The following MACC1 variants were observed in gnomAD, a reference collection of about 807,000 sequenced individuals.
MACC1 encodes the protein MET transcriptional regulator MACC1.
A neutral mutation model predicts 70.7 loss-of-function variants in MACC1; 79 were observed. That is an observed-to-expected ratio of 1.12 (90% CI 0.93 to 1.35). The LOEUF is 1.35. Among genes scored for constraint, MACC1 ranks in the 40% most tolerant of loss-of-function variants. The probability of loss-of-function intolerance (pLI) is 0.00; values close to 1 mark genes in which losing one functional copy is unlikely to be tolerated. For synonymous variants in MACC1, 361 were observed against 347.2 expected, an observed-to-expected ratio of 1.04 and a Z score of -0.44; for missense variants, 1,106 against 978.1, an observed-to-expected ratio of 1.13 and a Z score of -1.74.
At chr7:20,198,506 G>C (rs1782786480) in intron 1 of MACC1, 1 of 152,254 alleles carries the variant, frequency 6.6e-6, no homozygotes, top group Admixed American at 6.5e-5. Flanking sequence ...ATTGGCCAAT[G>C]TAAACATTTA....
intron 1 of MACC1, among the ~76,000 whole-genome samples, chr7:20,206,848 A>T (rs892198627): frequency 6.6e-6 from 1 of 152,182 alleles, no homozygotes; most frequent in Non-Finnish European, 1.5e-5. Flanking sequence ...CCAGTTAGAT[A>T]CCTGTGTCAG....
intron 1 of MACC1, among the ~76,000 whole-genome samples, chr7:20,189,672 T>C (rs1215151329): frequency 6.6e-6 from 1 of 151,674 alleles, no homozygotes; most frequent in Non-Finnish European, 1.5e-5. Flanking sequence ...CATCTCTTAG[T>C]TCTAGGCCAG....
intron 5 of MACC1, among the ~76,000 whole-genome samples, chr7:20,157,045 A>C: frequency 6.6e-6 from 1 of 152,222 alleles, no homozygotes; most frequent in East Asian, 1.9e-4. Context: ...TTTGAAACCA[A>C]AAAATATTCA....
rs1782107510 is a variant in MACC1 at position 20,159,421 on chromosome 7, A to G, written c.940T>C (p.Leu314=). Reference sequence around the variant, plus strand: ...ACTTTAAAAGGGCCTTCTTTACCCAAGCTGTGTAAACACACCATTTCTGTC... The same window carrying G: ...ACTTTAAAAGGGCCTTCTTTACCCAGGCTGTGTAAACACACCATTTCTGTC... ...VMTEMVCLHS[L]GKEGPFKVLS... is the part of the protein sequence containing the mutation. The change falls in exon 5 of 7, where the codon TTG becomes CTG. Residue 314 remains leucine (L), a synonymous_variant. Coordinates refer to ENST00000400331, the MANE Select transcript of MACC1 (RefSeq NM_182762.4). The G allele has an allele frequency of 6.2e-7, 1 of 1,613,944 alleles. No homozygotes were observed. The highest frequency in any genetic ancestry group is 1.3e-5 in the African/African-American group (1 of 74,930).
chr7:20,204,430 C>T (rs184490642), intron 1 of MACC1, among the ~76,000 whole-genome samples: 2 of 152,150 alleles, frequency 1.3e-5, no homozygotes, highest in East Asian at 1.9e-4. Context: ...CTGGATTATA[C>T]GCATGAGCCA....
chr7:20,158,863 A>T lies in MACC1; in HGVS notation c.1498T>A (p.Phe500Ile). The T allele has an allele frequency of 6.2e-7, 1 of 1,614,144 alleles. No homozygotes were observed. Among genetic ancestry groups the T allele is most frequent in the Non-Finnish European group, 8.5e-7 (1 of 1,180,016 alleles). The change falls in exon 5 of 7, where the codon TTC becomes ATC. Residue 500 changes from phenylalanine to isoleucine, a missense_variant. By Grantham distance (21) the Phe-to-Ile change is conservative. Coordinates refer to ENST00000400331, the MANE Select transcript of MACC1 (RefSeq NM_182762.4). ...EPPNGEPVAQ[F>I]SITTPDPTPN... Reference sequence around the variant, plus strand: ...GTTGGATCAGGAGTAGTGATAGAGAACTGTGCAACTGGTTCACCATTGGGA... The same window carrying T: ...GTTGGATCAGGAGTAGTGATAGAGATCTGTGCAACTGGTTCACCATTGGGA...
In MACC1 at chr7:20,159,771, G is replaced by T; in HGVS notation, c.590C>A (p.Thr197Lys). Residue 197 changes from threonine to lysine, a missense_variant, in exon 5 of 7, where the codon ACA (threonine) becomes AAA (lysine). Transcript: ENST00000400331. ...QLARSCLDLNTISQSPGWAQT... is the reference protein window; with the variant it reads ...QLARSCLDLNKISQSPGWAQT... ...GGCCCATCCAGGGCTCTGACTAATT[G>T]TATTCAAATCAAGGCAGGAGCGGGC... 1.2e-6 allele frequency: 2 copies of T among 1,614,090 alleles called. No homozygotes were observed. Among genetic ancestry groups the T allele is most frequent in the Non-Finnish European group, 1.7e-6 (2 of 1,180,026 alleles).
Position 20,161,813 on chromosome 7 carries a change from CT to C in MACC1, c.49del (p.Ser17ValfsTer7), listed in dbSNP as rs1782142955. Reference protein sequence around the residue: ...KHFRSGRIAQSMSEANLIDME... With the variant: ...KHFRSGRIAQXMSEANLIDME... ...GTCAATCAAATTTGCTTCAGACATA[CT>C]TTGTGCAATTCTTCCTGACCGAAAA... On this transcript the variant is annotated frameshift_variant, in exon 4 of 7. Coordinates refer to ENST00000400331, the MANE Select transcript of MACC1 (RefSeq NM_182762.4). LOFTEE classifies it high-confidence loss of function. 1 of 1,612,636 alleles carries C rather than the reference CT, an allele frequency of 6.2e-7. No individual in the cohort carries two copies. The highest frequency in any genetic ancestry group is 1.3e-5 in the African/African-American group (1 of 74,974).
intron 3 of MACC1, among the ~76,000 whole-genome samples, chr7:20,163,751 C>G (rs1260513290): frequency 3.9e-5 from 6 of 152,088 alleles, no homozygotes; most frequent in Admixed American, 3.9e-4. Flanking sequence ...TAGAACGTAA[C>G]TAAACCACAA....
chr7:20,204,187 C>G (rs1195172464), intron 1 of MACC1, among the ~76,000 whole-genome samples: 5 of 152,132 alleles, frequency 3.3e-5, no homozygotes, highest in Non-Finnish European at 5.9e-5. Context: ...TGGAGTCTTG[C>G]TCTGTTGCAC....
At chr7:20,201,254 T>C (rs1030597503) in intron 1 of MACC1, among the ~76,000 whole-genome samples, 1 of 152,166 alleles carries the variant, frequency 6.6e-6, no homozygotes, top group Non-Finnish European at 1.5e-5. Flanking sequence ...CATGGACTAA[T>C]TATGCAGAAT....
intron 1 of MACC1, among the ~76,000 whole-genome samples, chr7:20,199,152 A>G (rs1355879997): frequency 6.6e-6 from 1 of 152,220 alleles, no homozygotes; most frequent in Non-Finnish European, 1.5e-5. Flanking sequence ...ATCTCAGGAG[A>G]AAAGCAGCCA....
intron 1 of MACC1, among the ~76,000 whole-genome samples, chr7:20,197,475 ATTTG>A (rs1199906649): frequency 1.3e-5 from 2 of 152,140 alleles, no homozygotes; most frequent in Non-Finnish European, 2.9e-5. Flanking sequence ...CTTAGTGACT[ATTTG>A]TTTTTCTTTC....
chr7:20,207,223 C>G (rs965051079), intron 1 of MACC1, among the ~76,000 whole-genome samples: 4 of 152,038 alleles, frequency 2.6e-5, no homozygotes, highest in African/African-American at 7.2e-5. Flanking sequence ...TCACTGCAAC[C>G]TCCGCCTCCT....
At chr7:20,187,922 G>C (rs929588166) in intron 1 of MACC1, among the ~76,000 whole-genome samples, 4 of 152,150 alleles carry the variant, frequency 2.6e-5, no homozygotes, top group African/African-American at 9.7e-5. Context: ...AGAACTGCCT[G>C]AGACTGGGTA....
At chr7:20,173,807 G>A (rs1056354623) in intron 1 of MACC1, among the ~76,000 whole-genome samples, 1 of 152,096 alleles carries the variant, frequency 6.6e-6, no homozygotes, top group African/African-American at 2.4e-5. Context: ...TACTGGCTGG[G>A]GTCACTGAGA....
chr7:20,196,386 TAGCC>T (rs1782753957), intron 1 of MACC1, among the ~76,000 whole-genome samples: 1 of 152,124 alleles, frequency 6.6e-6, no homozygotes, highest in Admixed American at 6.5e-5. Context: ...TTCACCGTGT[TAGCC>T]AGGATGGTCT....
chr7:20,215,890 G>A (rs1422412023), intron 1 of MACC1, among the ~76,000 whole-genome samples: 1 of 152,082 alleles, frequency 6.6e-6, no homozygotes, highest in Non-Finnish European at 1.5e-5. Flanking sequence ...TTAGCTACAA[G>A]GAAGTTGAGA....
At chr7:20,154,504 G>A (rs2128101944) in intron 5 of MACC1, 123 bp from the exon 6 acceptor site, 3 of 993,980 alleles carry the variant, frequency 3.0e-6, no homozygotes, top group Non-Finnish European at 4.3e-6. Context: ...ACGTATAATC[G>A]AGTTTTCTAA....
Sources: allele counts gnomAD v4.1 joint callset (sites outside exome capture counted in the v4.1 genomes callset), GRCh38; gene constraint gnomAD v4.1.1; transcripts MANE v1.5; gene names NCBI Gene and HGNC (gene_info 2026-07-23, HGNC 2026-07-21).